PCDH15: variants seen among roughly 807,000 people sequenced by gnomAD.
PCDH15 encodes the protein protocadherin related 15, also known as protocadherin-15.
In PCDH15, 129 loss-of-function variants were observed where a neutral mutation model predicts 178.5. That is an observed-to-expected ratio of 0.72 (90% CI 0.63 to 0.84). The LOEUF is 0.84. Among genes scored for constraint, PCDH15 ranks in the 40% least tolerant of loss-of-function variants. PCDH15 has a pLI of 0.00. For synonymous variants in PCDH15, 800 were observed against 732.0 expected (o/e 1.09, Z -1.50); for missense variants, 2,230 against 2,099.9 (o/e 1.06, Z -1.21).
chr10:54,570,991 C>A (rs1046592999), intron 2 of PCDH15, among the ~76,000 whole-genome samples: 1 of 151,716 alleles, frequency 6.6e-6, no homozygotes, highest in African/African-American at 2.4e-5. Flanking sequence ...TAGTTGCAGC[C>A]CTGATGATGA....
At chr10:54,710,248 T>C (rs555114167) in intron 1 of PCDH15, among the ~76,000 whole-genome samples, 25 of 152,044 alleles carry the variant, frequency 1.6e-4, no homozygotes, top group African/African-American at 5.8e-4. Flanking sequence ...AATTGGTAAA[T>C]GAAACATCAG....
chr10:54,974,067 A>T (rs924371480), intron 2 of PCDH15, among the ~76,000 whole-genome samples: 83 of 151,252 alleles, frequency 5.5e-4, no homozygotes, highest in African/African-American at 1.7e-3. Flanking sequence ...TCACACACAC[A>T]CACACACACA....
rs111659779 is a variant in PCDH15 at position 55,141,168 on chromosome 10, A to G, written c.-80+25408T>C. Among the ~76,000 whole-genome samples, 1,320 of 152,130 alleles carry G rather than the reference A, an allele frequency of 8.7e-3. 7 individuals carry two copies. Among genetic ancestry groups the G allele is most frequent in the Non-Finnish European group, 0.014 (984 of 67,902 alleles). On this transcript the variant is annotated intron_variant, in intron 2 of 5. Coordinates refer to the PCDH15 transcript ENST00000458638. ...AGTCTGCTCTTCTTCTTCTGGGACA[A>G]CAACATTACAAATGAATTACAAATG...
At chr10:54,580,161 C>T (rs942087007) in intron 2 of PCDH15, among the ~76,000 whole-genome samples, 30 of 151,950 alleles carry the variant, frequency 2.0e-4, no homozygotes, top group African/African-American at 7.0e-4. Flanking sequence ...ATAATCCATA[C>T]AAAAGATCAA....
chr10:54,076,976 C>G (rs549650502), intron 17 of PCDH15, among the ~76,000 whole-genome samples: 4 of 152,004 alleles, frequency 2.6e-5, no homozygotes, highest in Non-Finnish European at 5.9e-5. Flanking sequence ...ACTGTAATTA[C>G]TAAATATTTA....
intron 3 of PCDH15, among the ~76,000 whole-genome samples, chr10:54,880,810 T>G (rs1172006501): frequency 6.7e-6 from 1 of 150,070 alleles, no homozygotes; most frequent in Non-Finnish European, 1.5e-5. Flanking sequence ...AAGTGGCATA[T>G]ATAAAGGAAA....
chr10:55,512,822 T>G (rs1469200392), intron 2 of PCDH15: 1 of 152,096 alleles, frequency 6.6e-6, no homozygotes, highest in Non-Finnish European at 1.5e-5. Flanking sequence ...GGAGAAGTAA[T>G]TAAATACAAT....
At chr10:53,926,297 C>T (rs1564788016) in intron 25 of PCDH15, among the ~76,000 whole-genome samples, 1 of 152,264 alleles carries the variant, frequency 6.6e-6, no homozygotes, top group African/African-American at 2.4e-5. Flanking sequence ...CAAAAAACTG[C>T]AAGCAGTTAA....
At chr10:55,127,842 A>C (rs1360444030) in intron 2 of PCDH15, among the ~76,000 whole-genome samples, 2 of 152,018 alleles carry the variant, frequency 1.3e-5, no homozygotes, top group Non-Finnish European at 2.9e-5. Flanking sequence ...CTGTTGTTTC[A>C]TTATACTTTC....
rs187162601 is a variant in PCDH15, at chr10:53,979,207, G to T, written c.2868+16442C>A. Among the ~76,000 whole-genome samples, 18 of 152,258 alleles carry T rather than the reference G, an allele frequency of 1.2e-4. No homozygotes were observed. The South Asian group carries it at 1.9e-3, about 16-fold the overall frequency. On this transcript the variant is annotated intron_variant, in intron 21 of 37. Coordinates refer to ENST00000644397, the MANE Select transcript of PCDH15 (RefSeq NM_001384140.1). ...AATTAACTCATAGTTCTGCAGGGCT[G>T]GGGAGGCCTCAGGAAACTTACAATC...
intron 1 of PCDH15, among the ~76,000 whole-genome samples, chr10:54,757,726 T>C (rs1184521928): frequency 1.3e-5 from 2 of 152,128 alleles, no homozygotes; most frequent in African/African-American, 4.8e-5. Context: ...GTTTTATTTA[T>C]GCCGAGAGAG....
intron 1 of PCDH15, among the ~76,000 whole-genome samples, chr10:54,766,283 T>G (rs76940058): frequency 0.029 from 4,350 of 152,090 alleles, 194 homozygotes; most frequent in African/African-American, 0.097. Context: ...AGAGATAAAT[T>G]AGTGAAATAA....
intron 2 of PCDH15, among the ~76,000 whole-genome samples, chr10:55,101,405 A>C (rs1275589301): frequency 2.6e-4 from 33 of 124,722 alleles, no homozygotes; most frequent in African/African-American, 6.6e-4. Flanking sequence ...AAAAAAAAAA[A>C]CTTTTTTTTT....
chr10:55,095,891 T>C (rs1484071352), intron 2 of PCDH15, among the ~76,000 whole-genome samples: 1 of 152,116 alleles, frequency 6.6e-6, no homozygotes, highest in Non-Finnish European at 1.5e-5. Flanking sequence ...TAGTTATAGA[T>C]TTTTAAGTGA....
chr10:54,421,547 T>C (rs898017904), intron 3 of PCDH15, among the ~76,000 whole-genome samples: 22 of 136,934 alleles, frequency 1.6e-4, no homozygotes, highest in Admixed American at 1.3e-3. Context: ...AAAGAAGTAG[T>C]ATGTTAACTA....
chr10:54,282,650 G>C (rs1225151158), intron 8 of PCDH15, among the ~76,000 whole-genome samples: 1 of 151,790 alleles, frequency 6.6e-6, no homozygotes, highest in African/African-American at 2.4e-5. Context: ...TAGCTCAATT[G>C]GTGATTAAGG....
intron 13 of PCDH15, among the ~76,000 whole-genome samples, chr10:54,158,980 C>A (rs1228523292): frequency 1.3e-5 from 2 of 151,682 alleles, no homozygotes; most frequent in East Asian, 3.9e-4. Flanking sequence ...TGGTGGCGAG[C>A]ACATGTAGTC....
intron 3 of PCDH15, among the ~76,000 whole-genome samples, chr10:54,891,370 T>C (rs1174377175): frequency 6.6e-6 from 1 of 152,128 alleles, no homozygotes; most frequent in Non-Finnish European, 1.5e-5. Context: ...CCTTCAGACC[T>C]ACTTTAGCGC....
At position 55,096,165 on chromosome 10, in the gene PCDH15, A is replaced by T. The variant is rs558922420; in HGVS notation, c.-80+70411T>A. Among the ~76,000 whole-genome samples, 38 of 152,258 alleles carry T rather than the reference A, an allele frequency of 2.5e-4. 1 individual carries two copies. The highest frequency in any genetic ancestry group is 8.4e-4 in the African/African-American group (35 of 41,570). The stretch of plus-strand genomic sequence containing the variant: ...CAATGCACATCAAAACATGAAAAAA[A>T]ATTCTATAATTTCCATTTTGCCTGA... On this transcript the variant is annotated intron_variant, in intron 2 of 5. Coordinates refer to the PCDH15 transcript ENST00000458638.
Sources: allele counts gnomAD v4.1 joint callset (sites outside exome capture counted in the v4.1 genomes callset), GRCh38; gene constraint gnomAD v4.1.1; transcripts MANE v1.5; gene names NCBI Gene and HGNC (gene_info 2026-07-23, HGNC 2026-07-21).